The following HNRNPA2B1 variants were observed in gnomAD, a reference collection of about 807,000 sequenced individuals.
HNRNPA2B1 encodes the protein heterogeneous nuclear ribonucleoprotein A2/B1.
Under a neutral mutation model 46.3 loss-of-function variants are expected in HNRNPA2B1, and 3 were observed. The ratio of observed to expected loss-of-function variants is 0.06; its 90% CI spans 0.03 to 0.17. HNRNPA2B1 has a LOEUF of 0.17. Ranked by LOEUF, HNRNPA2B1 falls within the 10% of genes least tolerant of loss-of-function variation. The pLI is 1.00. For missense variants in HNRNPA2B1, 221 were observed against 418.9 expected (o/e 0.53, Z 4.12); for synonymous variants, 225 against 133.8 (o/e 1.68, Z -4.70).
chr7:26,192,667 T>G, intron 9 of HNRNPA2B1, 90 bp from the exon 10 acceptor site: 2 of 1,065,906 alleles, frequency 1.9e-6, no homozygotes, highest in Non-Finnish European at 2.9e-6. Context: ...TTTATATCCA[T>G]CCAGTCTTTT....
At chr7:26,193,803 T>C (rs1783179347) in intron 7 of HNRNPA2B1, 109 bp from the exon 8 acceptor site, 3 of 974,128 alleles carry the variant, frequency 3.1e-6, no homozygotes, top group Non-Finnish European at 4.7e-6. Flanking sequence ...AAATATTTAA[T>C]GAAATTCCTC....
intron 7 of HNRNPA2B1, among the ~76,000 whole-genome samples, chr7:26,195,160 TGTAGTTA>T (rs1186076425): frequency 6.7e-6 from 1 of 150,006 alleles, no homozygotes; most frequent in Non-Finnish European, 1.5e-5. Flanking sequence ...GTCTCTAACT[TGTAGTTA>T]AATACAAGAA....
At chr7:26,199,458 A>G (rs189527838) in intron 1 of HNRNPA2B1, 18 of 152,290 alleles carry the variant, frequency 1.2e-4, no homozygotes, top group African/African-American at 4.1e-4. Context: ...TAATCGAAGT[A>G]TAACTAAGGA....
In HNRNPA2B1 at chr7:26,193,671, C is replaced by T. The variant is rs375157988; in HGVS notation, c.745G>A (p.Gly249Ser). The T allele has an allele frequency of 1.7e-5, 28 of 1,612,190 alleles. No individual in the cohort carries two copies. Among genetic ancestry groups the T allele is most frequent in the African/African-American group, 8.0e-5 (6 of 74,776 alleles). ...PGGGNFGGSPGYGGGRGGYGG... is the reference protein window; with the variant it reads ...PGGGNFGGSPSYGGGRGGYGG... ...TATCCTCCTCTTCCTCCTCCATAAC[C>T]GGGGCTACCTCCAAAATTGCCACCT... Residue 249 changes from glycine (G) to serine (S), a missense_variant, in exon 8 of 11, where the codon GGT becomes AGT. Physicochemically the swap from Gly to Ser is moderately conservative, Grantham distance 56. This residue lies in a region of HNRNPA2B1 where 143 missense variants were observed against 200.5 expected (regional missense o/e 0.71). Coordinates refer to ENST00000618183, the MANE Select transcript of HNRNPA2B1 (RefSeq NM_002137.4).
chr7:26,193,593 A>G lies in HNRNPA2B1; in HGVS notation c.823T>C (p.Tyr275His), dbSNP rs1418443872. ...TTATTACCTCCTCCATAGTTGTCAT[A>G]ACCACCTCCGTAGCCCCCACCCTGG... ...GNQGGGYGGGYDNYGGGNYGS... is the reference protein window; with the variant it reads ...GNQGGGYGGGHDNYGGGNYGS... Residue 275 changes from tyrosine (Y) to histidine (H), a missense_variant, in exon 8 of 11, where the codon TAT becomes CAT. By Grantham distance (83) the Tyr-to-His change is moderately conservative. Around this residue, in one of 2 missense-constraint regions of HNRNPA2B1, gnomAD observed 143 missense variants for 200.5 expected, o/e 0.71. Coordinates refer to ENST00000618183, the MANE Select transcript of HNRNPA2B1 (RefSeq NM_002137.4). The G allele has an allele frequency of 1.3e-6, 2 of 1,593,874 alleles. No individual in the cohort carries two copies. The highest frequency in any genetic ancestry group is 1.7e-6 in the Non-Finnish European group (2 of 1,175,122).
In HNRNPA2B1 at chr7:26,193,201, C is replaced by T. The variant is rs1189249665; in HGVS notation, c.964+50G>A. ...TATCTTCCCTTTAAGTCACAAAAGGCTAATCCTTTAATCACAAAAATCTGA... is the reference window on the plus strand; with the variant it reads ...TATCTTCCCTTTAAGTCACAAAAGGTTAATCCTTTAATCACAAAAATCTGA... On this transcript the variant is annotated intron_variant, in intron 9 of 10. Transcript: ENST00000618183. 2.6e-6 allele frequency: 4 copies of T among 1,566,010 alleles called. No homozygotes were observed. The South Asian group carries it at 3.4e-5, about 13-fold the overall frequency.
intron 7 of HNRNPA2B1, 143 bp downstream of exon 7, chr7:26,195,704 A>C: frequency 2.4e-6 from 2 of 847,582 alleles, no homozygotes; most frequent in Non-Finnish European, 3.6e-6. Context: ...AAAACTACTT[A>C]GAAATAACTG....
chr7:26,193,173 T>C (rs879335103), intron 9 of HNRNPA2B1, 78 bp downstream of exon 9: 7 of 1,398,432 alleles, frequency 5.0e-6, no homozygotes, highest in African/African-American at 2.9e-5. Flanking sequence ...CTACTTAGTA[T>C]GTTATCTTCC....
In HNRNPA2B1 at chr7:26,193,671, C is replaced by A; in HGVS notation, c.745G>T (p.Gly249Cys). 6.2e-7 allele frequency: 1 copy of A among 1,612,308 alleles called. No homozygotes were observed. The highest frequency in any genetic ancestry group is 8.5e-7 in the Non-Finnish European group (1 of 1,179,276). ...TATCCTCCTCTTCCTCCTCCATAACCGGGGCTACCTCCAAAATTGCCACCT... is the reference window on the plus strand; with the variant it reads ...TATCCTCCTCTTCCTCCTCCATAACAGGGGCTACCTCCAAAATTGCCACCT... ...PGGGNFGGSPGYGGGRGGYGG... is the reference protein window; with the variant it reads ...PGGGNFGGSPCYGGGRGGYGG... The change falls in exon 8 of 11, where the codon GGT becomes TGT. Residue 249 changes from glycine to cysteine, a missense_variant. By Grantham distance (159) the Gly-to-Cys change is radical (BLOSUM62 -3). This residue lies in a region of HNRNPA2B1 where 143 missense variants were observed against 200.5 expected (regional missense o/e 0.71). Transcript: ENST00000618183.
intron 6 of HNRNPA2B1, 54 bp downstream of exon 6, chr7:26,196,347 A>C (rs1010474202): frequency 1.4e-6 from 2 of 1,390,566 alleles, no homozygotes; most frequent in African/African-American, 1.4e-5. Context: ...AAACCTAATC[A>C]TATTTAAAAT....
intron 5 of HNRNPA2B1, 36 bp downstream of exon 5, chr7:26,196,521 T>C (rs374010682): frequency 9.3e-6 from 15 of 1,612,568 alleles, no homozygotes; most frequent in East Asian, 2.2e-5. Context: ...CCCTTATATA[T>C]GAACAAAAAT....
chr7:26,195,836 G>A lies in HNRNPA2B1; in HGVS notation c.721+11C>T, dbSNP rs201301265. On this transcript the variant is annotated intron_variant, in intron 7 of 10. Coordinates refer to ENST00000618183, the MANE Select transcript of HNRNPA2B1 (RefSeq NM_002137.4). ...TCACATAAACAAACCAAAACGTAGAGGAAAACTGACCTCCAGGTCCTCCTC... is the reference window on the plus strand; with the variant it reads ...TCACATAAACAAACCAAAACGTAGAAGAAAACTGACCTCCAGGTCCTCCTC... 1.6e-5 allele frequency: 25 copies of A among 1,608,622 alleles called. No homozygotes were observed. Among genetic ancestry groups the A allele is most frequent in the Non-Finnish European group, 2.0e-5 (24 of 1,178,358 alleles).
chr7:26,192,748 AGACATT>A, intron 9 of HNRNPA2B1, among the ~76,000 whole-genome samples, 171 bp from the exon 10 acceptor site: 1 of 152,240 alleles, frequency 6.6e-6, no homozygotes, highest in East Asian at 1.9e-4. Context: ...TCGGGTTCAT[AGACATT>A]TTTATTTCGT....
chr7:26,195,946 A>C, intron 6 of HNRNPA2B1, 37 bp from the exon 7 acceptor site: 1 of 1,576,666 alleles, frequency 6.3e-7, no homozygotes. Context: ...TTTACTATAA[A>C]CTGTTCAGCA....
intron 1 of HNRNPA2B1, chr7:26,199,315 A>G (rs1013972552): frequency 2.0e-5 from 3 of 152,584 alleles, no homozygotes; most frequent in Non-Finnish European, 4.4e-5. Context: ...ATGCTTATCA[A>G]TGTAATGTTC....
chr7:26,199,431 C>A (rs1329136851), intron 1 of HNRNPA2B1: 1 of 152,216 alleles, frequency 6.6e-6, no homozygotes, highest in Non-Finnish European at 1.5e-5. Flanking sequence ...CAGGAAGGAG[C>A]CTCTGAAGCC....
rs770824902 is a variant in HNRNPA2B1, at chr7:26,196,493, G to A, written c.578-12C>T. Reference sequence around the variant, plus strand: ...AAAGCCAAAGTTGCCTACAATAAATGCCCCAGTTAGAAGCAAGCCCTTATA... The same window carrying A: ...AAAGCCAAAGTTGCCTACAATAAATACCCCAGTTAGAAGCAAGCCCTTATA... On this transcript the variant is annotated splice_polypyrimidine_tract_variant and intron_variant, in intron 5 of 10. Coordinates refer to ENST00000618183, the MANE Select transcript of HNRNPA2B1 (RefSeq NM_002137.4). The A allele has an allele frequency of 2.5e-6, 4 of 1,613,772 alleles. No individual in the cohort carries two copies. The highest frequency in any genetic ancestry group is 2.7e-5 in the African/African-American group (2 of 74,884).
chr7:26,193,166 C>A (rs748447094), intron 9 of HNRNPA2B1, 85 bp downstream of exon 9: 3 of 1,331,810 alleles, frequency 2.3e-6, no homozygotes, highest in Non-Finnish European at 3.2e-6. Context: ...GTACAAACTA[C>A]TTAGTATGTT....
intron 1 of HNRNPA2B1, 159 bp downstream of exon 1, chr7:26,200,413 C>G: frequency 2.6e-6 from 2 of 768,536 alleles, no homozygotes; most frequent in East Asian, 4.9e-5. Flanking sequence ...ACGCTCAGGC[C>G]TCCGCTCAAG....
Sources: gnomAD v4.1 joint callset for allele counts (sites outside exome capture counted in the v4.1 genomes callset) on GRCh38, gnomAD v4.1.1 for gene constraint, gnomAD v4.1.1 regional missense constraint, MANE v1.5 for transcripts, NCBI Gene and HGNC (gene_info 2026-07-23, HGNC 2026-07-21) for gene names.